Variants in ADAMTSL3 observed in about 807,000 individuals in gnomAD.
ADAMTSL3 encodes the protein ADAMTS like 3.
A neutral mutation model predicts 201.7 loss-of-function variants in ADAMTSL3; 128 were observed. That is an observed-to-expected ratio of 0.63 (90% CI 0.55 to 0.73). The LOEUF is 0.73. Ranked by LOEUF, ADAMTSL3 falls within the 30% of genes least tolerant of loss-of-function variation. The probability of loss-of-function intolerance (pLI) is 0.00; values close to 1 mark genes in which losing one functional copy is unlikely to be tolerated. For synonymous variants in ADAMTSL3, 738 were observed against 748.4 expected, an observed-to-expected ratio of 0.99 and a Z score of 0.23; for missense variants, 1,990 against 2,119.6, an observed-to-expected ratio of 0.94 and a Z score of 1.20.
chr15:84,022,319 T>C (rs1055010487), intron 26 of ADAMTSL3, among the ~76,000 whole-genome samples: 4 of 152,336 alleles, frequency 2.6e-5, no homozygotes, highest in Admixed American at 2.6e-4. Context: ...ATAAAGATAT[T>C]TGAAACAAAT....
At chr15:83,669,417 C>A (rs1440986323) in intron 2 of ADAMTSL3, among the ~76,000 whole-genome samples, 1 of 142,420 alleles carries the variant, frequency 7.0e-6, no homozygotes, top group Non-Finnish European at 1.5e-5. Flanking sequence ...GTACTGAGAT[C>A]ACAGGCGTGA....
chr15:83,897,576 T>C (rs1248288674), intron 13 of ADAMTSL3, among the ~76,000 whole-genome samples: 2 of 152,218 alleles, frequency 1.3e-5, no homozygotes, highest in African/African-American at 2.4e-5. Context: ...TCTTTGATAT[T>C]TGAGCAGTAA....
intron 4 of ADAMTSL3, among the ~76,000 whole-genome samples, chr15:83,778,092 A>G (rs1324325204): frequency 6.6e-6 from 1 of 152,186 alleles, no homozygotes; most frequent in Non-Finnish European, 1.5e-5. Context: ...AAAGGAATGA[A>G]CAAAACCTTT....
intron 5 of ADAMTSL3, among the ~76,000 whole-genome samples, chr15:83,816,299 C>T (rs1296824150): frequency 6.6e-6 from 1 of 152,170 alleles, no homozygotes; most frequent in Non-Finnish European, 1.5e-5. Context: ...TTGTTGCAAT[C>T]GCAAATTTCT....
chr15:83,759,378 A>C (rs1157588704), intron 3 of ADAMTSL3, among the ~76,000 whole-genome samples: 1 of 152,114 alleles, frequency 6.6e-6, no homozygotes, highest in East Asian at 1.9e-4. Flanking sequence ...GGTGCCCGCC[A>C]CCATGCCCAG....
At chr15:83,748,686 A>C (rs12910634) in intron 3 of ADAMTSL3, among the ~76,000 whole-genome samples, 29,803 of 150,068 alleles carry the variant, frequency 0.2, 3,951 homozygotes, top group Middle Eastern at 0.37. Context: ...CACACACACA[A>C]AGAAGCAAGG....
intron 3 of ADAMTSL3, among the ~76,000 whole-genome samples, chr15:83,721,654 T>C (rs987293227): frequency 5.3e-5 from 8 of 152,174 alleles, no homozygotes; most frequent in African/African-American, 1.9e-4. Flanking sequence ...CTAAACACTC[T>C]TAGATGTTGC....
At chr15:83,746,303 A>G (rs1168518285) in intron 3 of ADAMTSL3, among the ~76,000 whole-genome samples, 1 of 150,608 alleles carries the variant, frequency 6.6e-6, no homozygotes, top group African/African-American at 2.4e-5. Flanking sequence ...GTTCTGGTCA[A>G]TGACACGTAA....
intron 2 of ADAMTSL3, among the ~76,000 whole-genome samples, chr15:83,682,575 T>A (rs2061490268): frequency 6.6e-6 from 1 of 152,202 alleles, no homozygotes. Context: ...CTGAGTAGAT[T>A]GATGACTAGT....
At chr15:83,745,363 C>T (rs923643459) in intron 3 of ADAMTSL3, among the ~76,000 whole-genome samples, 1 of 152,198 alleles carries the variant, frequency 6.6e-6, no homozygotes, top group Non-Finnish European at 1.5e-5. Context: ...ACCCTCTGTC[C>T]TCATTAGCGG....
intron 3 of ADAMTSL3, among the ~76,000 whole-genome samples, chr15:83,707,511 A>G (rs1415330362): frequency 5.3e-5 from 8 of 152,198 alleles, no homozygotes; most frequent in Admixed American, 3.9e-4. Context: ...ATGAATTTTT[A>G]AGTATTTTTA....
At chr15:84,025,151 T>C (rs1200551429) in intron 26 of ADAMTSL3, 87 bp from the exon 27 acceptor site, 16 of 1,151,940 alleles carry the variant, frequency 1.4e-5, no homozygotes, top group Non-Finnish European at 1.8e-5. Context: ...GCCATGGTGT[T>C]GGGATCAGCT....
chr15:83,854,101 T>A (rs1419270720), intron 7 of ADAMTSL3, among the ~76,000 whole-genome samples: 4 of 152,312 alleles, frequency 2.6e-5, no homozygotes, highest in Non-Finnish European at 5.9e-5. Context: ...ACCTAAAAAA[T>A]TATAATTTCT....
At chr15:83,980,523 A>T (rs1180691118) in intron 20 of ADAMTSL3, among the ~76,000 whole-genome samples, 6 of 152,170 alleles carry the variant, frequency 3.9e-5, no homozygotes, top group Non-Finnish European at 8.8e-5. Context: ...TACATGGCTT[A>T]ACTGGCTGGG....
chr15:84,032,844 T>G (rs1261046070), intron 28 of ADAMTSL3, among the ~76,000 whole-genome samples: 2 of 152,198 alleles, frequency 1.3e-5, no homozygotes, highest in Non-Finnish European at 2.9e-5. Flanking sequence ...GTAATATTTT[T>G]ATAGAGTAGA....
chr15:83,972,107 G>C (rs1440224088), intron 20 of ADAMTSL3, among the ~76,000 whole-genome samples: 1 of 151,974 alleles, frequency 6.6e-6, no homozygotes, highest in Non-Finnish European at 1.5e-5. Flanking sequence ...TTGTGAGGCA[G>C]ATACTATCTC....
At chr15:83,903,939 A>AGGGAGGGAGGGAGGGAGGGGGGGG (rs1567226085) in intron 15 of ADAMTSL3, among the ~76,000 whole-genome samples, 1 of 50,644 alleles carries the variant, frequency 2.0e-5, no homozygotes, top group Non-Finnish European at 3.3e-5. Context: ...AAAAAAAAAA[A>AGGGAGGGAGGGAGGGAGGGGGGGG]AAAAAGAAAA....
chr15:83,824,512 A>G (rs1345634057), intron 6 of ADAMTSL3, among the ~76,000 whole-genome samples: 1 of 152,208 alleles, frequency 6.6e-6, no homozygotes, highest in Admixed American at 6.5e-5. Flanking sequence ...AGTTTACATT[A>G]GGCCTCACTC....
rs2063192663 is a variant in ADAMTSL3 at position 83,782,750 on chromosome 15, A to G, written c.317+9100A>G. ...GGTGGAAGGTGAGAGGAGGTAGAGG[A>G]TCAGGAAAAATAACTAATGAGTACT... On this transcript the variant is annotated intron_variant, in intron 4 of 29. Transcript: ENST00000286744. Among the ~76,000 whole-genome samples the G allele has an allele frequency of 2.0e-5, 3 of 152,038 alleles. No individual in the cohort carries two copies. The South Asian group carries it at 6.2e-4, about 32-fold the overall frequency.
Sources: allele counts gnomAD v4.1 joint callset (sites outside exome capture counted in the v4.1 genomes callset), GRCh38; gene constraint gnomAD v4.1.1; transcripts MANE v1.5; gene names NCBI Gene and HGNC (gene_info 2026-07-23, HGNC 2026-07-21).